DIABLO: variants seen among roughly 807,000 people sequenced by gnomAD.
DIABLO encodes the protein diablo homolog, mitochondrial.
In DIABLO, 32 loss-of-function variants were observed where a neutral mutation model predicts 31.7. That is an observed-to-expected ratio of 1.01 (90% confidence interval 0.76 to 1.35). The LOEUF is 1.35. Among genes scored for constraint, DIABLO ranks in the 40% most tolerant of loss-of-function variants. DIABLO has a pLI of 0.00. For synonymous variants in DIABLO, 132 were observed against 103.2 expected (o/e 1.28, Z -1.69); for missense variants, 316 against 286.4 (o/e 1.10, Z -0.75).
chr12:122,214,499 C>T (rs1165589983), intron 5 of DIABLO, among the ~76,000 whole-genome samples: 1 of 152,198 alleles, frequency 6.6e-6, no homozygotes, highest in Non-Finnish European at 1.5e-5. Flanking sequence ...GATCATAGCT[C>T]ACTGCAGCCT....
At chr12:122,225,114 G>A in intron 1 of DIABLO, 1 of 322,566 alleles carries the variant, frequency 3.1e-6, no homozygotes, top group Non-Finnish European at 6.0e-6. Flanking sequence ...TCGGGAGGCT[G>A]AGGCAGGAGA....
intron 5 of DIABLO, among the ~76,000 whole-genome samples, chr12:122,212,105 G>C (rs1175418569): frequency 6.6e-6 from 1 of 151,656 alleles, no homozygotes; most frequent in African/African-American, 2.4e-5. Context: ...CAAAGTGCTG[G>C]GATCATAGGT....
At chr12:122,215,959 T>C (rs1954202629) in intron 5 of DIABLO, among the ~76,000 whole-genome samples, 1 of 151,696 alleles carries the variant, frequency 6.6e-6, no homozygotes, top group Non-Finnish European at 1.5e-5. Flanking sequence ...CCGTGTCATC[T>C]TAGCCGAATG....
At chr12:122,217,136 A>AG in intron 3 of DIABLO, 1 of 413,996 alleles carries the variant, frequency 2.4e-6, no homozygotes, top group Admixed American at 3.7e-5. Context: ...TTAAAGGTTG[A>AG]GGGGAAAAAA....
At chr12:122,211,076 G>GT (rs1954076386) in intron 5 of DIABLO, among the ~76,000 whole-genome samples, 1 of 3,266 alleles carries the variant, frequency 3.1e-4, no homozygotes, top group East Asian at 8.3e-3. Context: ...TTAGTTAAAA[G>GT]TAAAAAAAAA....
chr12:122,226,256 GGGCGCGGAGGTGGGTCC>G, upstream of DIABLO: 1 of 711,676 alleles, frequency 1.4e-6, no homozygotes, highest in Non-Finnish European at 2.5e-6. Context: ...CAGGGCCTGA[GGGCGCGGAGGTGGGTCC>G]GGCGCGGAGC....
chr12:122,211,077 T>TGTAAAA (rs1954076708), intron 5 of DIABLO, among the ~76,000 whole-genome samples: 1 of 14,340 alleles, frequency 7.0e-5, no homozygotes, highest in African/African-American at 2.4e-4. Context: ...TAGTTAAAAG[T>TGTAAAA]AAAAAAAAAA....
chr12:122,209,690 A>G (rs1954036132), intron 5 of DIABLO: 1 of 689,898 alleles, frequency 1.4e-6, no homozygotes, highest in Non-Finnish European at 2.6e-6. Flanking sequence ...GAGCTCTCTC[A>G]TTTTACCTGC....
At chr12:122,220,322 A>C (rs1954306443) in intron 2 of DIABLO, among the ~76,000 whole-genome samples, 1 of 152,074 alleles carries the variant, frequency 6.6e-6, no homozygotes, top group Non-Finnish European at 1.5e-5. Context: ...ACCTGGACTA[A>C]ATACTGGCAA....
intron 2 of DIABLO, chr12:122,220,388 C>T (rs926647337): frequency 6.6e-6 from 1 of 152,370 alleles, no homozygotes; most frequent in African/African-American, 2.4e-5. Context: ...GCAAAGCACT[C>T]TTACACCTGT....
At chr12:122,225,330 T>G in intron 1 of DIABLO, 8 of 891,998 alleles carry the variant, frequency 9.0e-6, no homozygotes, top group Non-Finnish European at 9.5e-6. Context: ...CAGGTTGCAG[T>G]GAGCTGAGAT....
In DIABLO at chr12:122,207,941, T is replaced by G. The variant is rs774233824; in HGVS notation, c.*440A>C. ...ATACATACAAAGAAATCGTACAAAC[T>G]GGACAGGTTCCCCTCCCCCTGCCAC... On this transcript the variant is annotated 3_prime_UTR_variant, in exon 6 of 6. Transcript: ENST00000464942. 2.2e-6 allele frequency: 1 copy of G among 463,038 alleles called. No homozygotes were observed. The highest frequency in any genetic ancestry group is 1.5e-5 in the South Asian group (1 of 64,552). 28.7% of individuals were successfully genotyped at this position (463,038 alleles called of 1,614,324 possible).
rs114187204 is a variant in DIABLO, at chr12:122,225,647, C to T, written c.50+318G>A. 1,956 of 1,327,878 alleles carry T rather than the reference C, an allele frequency of 1.5e-3. 17 individuals carry two copies. The African/African-American group carries it at 0.026, about 18-fold the overall frequency. 82.3% of individuals were successfully genotyped at this position (1,327,878 alleles called of 1,614,324 possible). On this transcript the variant is annotated intron_variant, in intron 1 of 5. Coordinates refer to ENST00000464942, the MANE Select transcript of DIABLO (RefSeq NM_001371333.1). The stretch of plus-strand genomic sequence containing the variant: ...GGACTCCCCCCATGCCGTGTCCCTC[C>T]TCCTCTCCACGTCTCCTCAGGGACT...
intron 5 of DIABLO, among the ~76,000 whole-genome samples, chr12:122,213,524 T>G (rs1034607948): frequency 6.2e-5 from 7 of 112,644 alleles, no homozygotes; most frequent in African/African-American, 2.9e-4. Context: ...AAAAAAAAAA[T>G]TCCGTTTACA....
intron 5 of DIABLO, among the ~76,000 whole-genome samples, chr12:122,210,813 T>C (rs1197968926): frequency 6.6e-6 from 1 of 151,994 alleles, no homozygotes; most frequent in Non-Finnish European, 1.5e-5. Flanking sequence ...TATACATTTG[T>C]TAGGTGTTTA....
chr12:122,218,519 AT>A (rs1208685636), intron 2 of DIABLO, 122 bp from the exon 3 acceptor site: 6 of 1,287,022 alleles, frequency 4.7e-6, no homozygotes, highest in Middle Eastern at 1.8e-4. Context: ...ACTGCACTAT[AT>A]TTCTTTGGGT....
intron 2 of DIABLO, among the ~76,000 whole-genome samples, chr12:122,219,434 G>A (rs1954287042): frequency 6.6e-6 from 1 of 152,128 alleles, no homozygotes. Context: ...ACACAATCAT[G>A]TATCATGGAA....
chr12:122,212,634 T>G (rs1380830448), intron 5 of DIABLO, among the ~76,000 whole-genome samples: 1 of 151,658 alleles, frequency 6.6e-6, no homozygotes, highest in Non-Finnish European at 1.5e-5. Flanking sequence ...TATTTTTGTT[T>G]TTTTTTTTGA....
chr12:122,224,920 G>A lies in DIABLO; in HGVS notation c.51-276C>T. 2.7e-6 allele frequency: 3 copies of A among 1,107,526 alleles called. No homozygotes were observed. The South Asian group carries it at 4.7e-5, about 17-fold the overall frequency. The allele number at this position is 1,107,526 out of a possible 1,614,324, so 68.6% of individuals were successfully genotyped here. The stretch of plus-strand genomic sequence containing the variant: ...GCCCAGGAGTTCACGACCAGCCTGG[G>A]CAACATGGCTGGCAACATGACCCCG... On this transcript the variant is annotated intron_variant, in intron 1 of 5. Coordinates refer to ENST00000464942, the MANE Select transcript of DIABLO (RefSeq NM_001371333.1).
Sources: allele counts gnomAD v4.1 joint callset (sites outside exome capture counted in the v4.1 genomes callset), GRCh38; gene constraint gnomAD v4.1.1; transcripts MANE v1.5; gene names NCBI Gene and HGNC (gene_info 2026-07-23, HGNC 2026-07-21).